The following STEAP4 variants were observed in gnomAD, a reference collection of about 807,000 sequenced individuals.
STEAP4 encodes the protein metalloreductase STEAP4.
STEAP4 carries 36 observed loss-of-function variants against 43.6 expected under a neutral mutation model. The ratio of observed to expected loss-of-function variants is 0.83; its 90% CI spans 0.63 to 1.09. STEAP4 has a LOEUF of 1.09. Among genes scored for constraint, STEAP4 ranks in the 50% least tolerant of loss-of-function variants. The pLI is 0.00. For missense variants in STEAP4, 495 were observed against 546.5 expected, an observed-to-expected ratio of 0.91 and a Z score of 0.94; for synonymous variants, 191 against 196.7, an observed-to-expected ratio of 0.97 and a Z score of 0.24.
intron 2 of STEAP4, 113 bp from the exon 3 acceptor site, chr7:88,283,281 A>G: frequency 9.0e-7 from 1 of 1,105,206 alleles, no homozygotes; most frequent in Non-Finnish European, 1.2e-6. Flanking sequence ...CAGTGAACCG[A>G]TTTTAAAATA....
chr7:88,280,568 G>C (rs571560015), intron 4 of STEAP4, among the ~76,000 whole-genome samples: 15 of 152,310 alleles, frequency 9.8e-5, no homozygotes, highest in African/African-American at 3.6e-4. Flanking sequence ...AAATCTTGCT[G>C]TGAAGATTTT....
chr7:88,293,753 G>C (rs1852879180), intron 1 of STEAP4, among the ~76,000 whole-genome samples: 1 of 152,136 alleles, frequency 6.6e-6, no homozygotes, highest in Non-Finnish European at 1.5e-5. Flanking sequence ...ACATAGAGGT[G>C]TGGGTCTATT....
At chr7:88,300,185 C>G (rs1278396038) in intron 1 of STEAP4, among the ~76,000 whole-genome samples, 1 of 152,106 alleles carries the variant, frequency 6.6e-6, no homozygotes, top group Non-Finnish European at 1.5e-5. Flanking sequence ...ATAAACAGCT[C>G]TTTCTTTTTA....
At position 88,273,283 on chromosome 7, in the gene STEAP4, G is replaced by A. The variant is rs1299453708; in HGVS notation, c.*6115C>T. On this transcript the variant is annotated 3_prime_UTR_variant, in exon 5 of 5. Coordinates refer to ENST00000380079, the MANE Select transcript of STEAP4 (RefSeq NM_024636.4). The stretch of plus-strand genomic sequence containing the variant: ...ATCTCTATCTTAGCATGAAAGAAAG[G>A]ATTAGTAAAAATGAAATGAATACAC... The A allele has an allele frequency of 6.6e-6, 1 of 152,132 alleles. No homozygotes were observed. The highest frequency in any genetic ancestry group is 1.5e-5 in the Non-Finnish European group (1 of 68,018). The allele number at this position is 152,132 out of a possible 1,614,324, so 9.4% of individuals were successfully genotyped here.
chr7:88,303,607 T>G (rs2116037591), intron 1 of STEAP4, among the ~76,000 whole-genome samples: 1 of 152,256 alleles, frequency 6.6e-6, no homozygotes, highest in East Asian at 1.9e-4. Flanking sequence ...TACAGAACAT[T>G]GTGGAGAAGA....
chr7:88,292,667 G>A (rs1852854251), intron 1 of STEAP4: 2 of 152,048 alleles, frequency 1.3e-5, no homozygotes, highest in Non-Finnish European at 2.9e-5. Context: ...ACTTCAATCA[G>A]GTTAGAGACT....
In STEAP4 at chr7:88,272,048, C is replaced by G. The variant is rs945356959; in HGVS notation, c.*7350G>C. On this transcript the variant is annotated 3_prime_UTR_variant, in exon 5 of 5. Transcript: ENST00000380079. ...TTGGCACTGCCAACTACGAGTTCCTCTTGGCGGCCACCTCTACAAGCTGAA... is the reference window on the plus strand; with the variant it reads ...TTGGCACTGCCAACTACGAGTTCCTGTTGGCGGCCACCTCTACAAGCTGAA... The G allele has an allele frequency of 1.3e-5, 2 of 152,218 alleles. No homozygotes were observed. The highest frequency in any genetic ancestry group is 4.8e-5 in the African/African-American group (2 of 41,446). 9.4% of individuals were successfully genotyped at this position (152,218 alleles called of 1,614,324 possible). A position where few individuals can be genotyped will look rare whatever the true frequency, so the allele number is the denominator to read the frequency against.
At position 88,274,073 on chromosome 7, in the gene STEAP4, C is replaced by T. The variant is rs536072354; in HGVS notation, c.*5325G>A. ...ACAGCATGGGTGTCCCCTATTATATCGTTGTGTTAAAAGGAGATGGGCCTG... is the reference window on the plus strand; with the variant it reads ...ACAGCATGGGTGTCCCCTATTATATTGTTGTGTTAAAAGGAGATGGGCCTG... On this transcript the variant is annotated 3_prime_UTR_variant, in exon 5 of 5. Coordinates refer to ENST00000380079, the MANE Select transcript of STEAP4 (RefSeq NM_024636.4). 10 of 152,102 alleles carry T rather than the reference C, an allele frequency of 6.6e-5. No individual in the cohort carries two copies. The highest frequency in any genetic ancestry group is 6.2e-4 in the South Asian group (3 of 4,828). 9.4% of individuals were successfully genotyped at this position (152,102 alleles called of 1,614,324 possible).
In STEAP4 at chr7:88,283,018, G is replaced by A; in HGVS notation, c.607C>T (p.Pro203Ser). ...PLQLFPMWRF[P>S]FYLSAVLCVF... Reference sequence around the variant, plus strand: ...CACAGCACAGCAGACAAATAGAAGGGGAACCTCCACATTGGAAATAGCTGC... The same window carrying A: ...CACAGCACAGCAGACAAATAGAAGGAGAACCTCCACATTGGAAATAGCTGC... Residue 203 changes from proline (P) to serine (S), a missense_variant, in exon 3 of 5, where the codon CCC becomes TCC. By Grantham distance (74) the Pro-to-Ser change is moderately conservative. Coordinates refer to ENST00000380079, the MANE Select transcript of STEAP4 (RefSeq NM_024636.4). 1 of 1,613,700 alleles carries A rather than the reference G, an allele frequency of 6.2e-7. No homozygotes were observed. Among genetic ancestry groups the A allele is most frequent in the Non-Finnish European group, 8.5e-7 (1 of 1,179,844 alleles).
At chr7:88,297,507 G>A (rs979353699) in intron 1 of STEAP4, among the ~76,000 whole-genome samples, 5 of 152,044 alleles carry the variant, frequency 3.3e-5, no homozygotes, top group South Asian at 2.1e-4. Flanking sequence ...ACATAATGCC[G>A]ATTAAACTCA....
At chr7:88,291,442 G>A (rs180710943) in intron 1 of STEAP4, among the ~76,000 whole-genome samples, 2 of 149,914 alleles carry the variant, frequency 1.3e-5, no homozygotes, top group East Asian at 2.0e-4. Flanking sequence ...AGCCGAGATC[G>A]CACTGCTGCA....
chr7:88,300,934 C>T (rs1328794936), intron 1 of STEAP4, among the ~76,000 whole-genome samples: 1 of 152,174 alleles, frequency 6.6e-6, no homozygotes, highest in African/African-American at 2.4e-5. Flanking sequence ...GTTCCAGACC[C>T]TCTCTACCTC....
chr7:88,296,090 C>T lies in STEAP4; in HGVS notation c.-3+10702G>A, dbSNP rs573333243. ...TTGTTCCATAACTCTCTCAAGGAAA[C>T]CTTAAAGAGTTGTCTTCCAAGAGCC... is the stretch of plus-strand genomic sequence containing the variant. On this transcript the variant is annotated intron_variant, in intron 1 of 4. Transcript: ENST00000380079. 2.1e-3 allele frequency among the ~76,000 whole-genome samples: 325 copies of T among 152,210 alleles called. 2 individuals carry two copies. The highest frequency in any genetic ancestry group is 2.8e-3 in the Non-Finnish European group (188 of 67,988).
rs1471995580 is a variant in STEAP4, at chr7:88,284,066, T to C, written c.204A>G (p.Ser68=). 6.2e-7 allele frequency: 1 copy of C among 1,614,184 alleles called. No individual in the cohort carries two copies. Among genetic ancestry groups the C allele is most frequent in the Admixed American group, 1.7e-5 (1 of 60,002 alleles). Residue 68 remains serine (S), a synonymous_variant, in exon 2 of 5, where the codon TCA becomes TCG. Coordinates refer to ENST00000380079, the MANE Select transcript of STEAP4 (RefSeq NM_024636.4). ...LPSGAEVLSY[S]EAAKKSGIII... ...TGATGCCAGACTTCTTGGCTGCTTC[T>C]GAATAGCTCAAGACTTCTGCACCAC...
Position 88,283,941 on chromosome 7 carries a change from A to G in STEAP4, c.329T>C (p.Ile110Thr). Residue 110 changes from isoleucine to threonine, a missense_variant, in exon 2 of 5, where the codon ATC (isoleucine) becomes ACC (threonine). Coordinates refer to ENST00000380079, the MANE Select transcript of STEAP4 (RefSeq NM_024636.4). ...TGCATTAGATTCTGGATATTGATTG[A>G]TTTTGAGGTTGTTGCTGATGTCTAC... is the stretch of plus-strand genomic sequence containing the variant. ...ILVDISNNLK[I>T]NQYPESNAEY... is the part of the protein sequence containing the mutation. 1.2e-6 allele frequency: 2 copies of G among 1,614,138 alleles called. 1 individual carries two copies. The highest frequency in any genetic ancestry group is 2.2e-5 in the South Asian group (2 of 91,082).
chr7:88,279,313 T>G lies in STEAP4; in HGVS notation c.*85A>C, dbSNP rs1248232287. 1.0e-4 allele frequency: 135 copies of G among 1,329,154 alleles called. No homozygotes were observed. Among genetic ancestry groups the G allele is most frequent in the Non-Finnish European group, 1.4e-4 (131 of 947,902 alleles). The allele number at this position is 1,329,154 out of a possible 1,614,324, so 82.3% of individuals were successfully genotyped here. ...ACTTTCCTAACTGTACCCATCATTC[T>G]TCTTTAAACATTCAAAACCATAGTT... is the stretch of plus-strand genomic sequence containing the variant. On this transcript the variant is annotated 3_prime_UTR_variant, in exon 5 of 5. Transcript: ENST00000380079.
chr7:88,282,680 A>G lies in STEAP4; in HGVS notation c.945T>C (p.Tyr315=), dbSNP rs1416762060. ...AGTTTCCCAATCTCCATCGTACATAATATCGAATAGGAATCACAAGTGTGT... is the reference window on the plus strand; with the variant it reads ...AGTTTCCCAATCTCCATCGTACATAGTATCGAATAGGAATCACAAGTGTGT... ...VLYTLVIPIR[Y]YVRWRLGNLT... is the part of the protein sequence containing the mutation. The change falls in exon 3 of 5, where the codon TAT becomes TAC. Residue 315 remains tyrosine, a synonymous_variant. Transcript: ENST00000380079. The G allele has an allele frequency of 6.2e-7, 1 of 1,614,116 alleles. No individual in the cohort carries two copies. Among genetic ancestry groups the G allele is most frequent in the African/African-American group, 1.3e-5 (1 of 75,040 alleles).
rs1852489365 is a variant in STEAP4, at chr7:88,274,884, T to C, written c.*4514A>G. The C allele has an allele frequency of 6.6e-6, 1 of 152,202 alleles. No homozygotes were observed. 9.4% of individuals were successfully genotyped at this position (152,202 alleles called of 1,614,324 possible). On this transcript the variant is annotated 3_prime_UTR_variant, in exon 5 of 5. Coordinates refer to ENST00000380079, the MANE Select transcript of STEAP4 (RefSeq NM_024636.4). ...TGTATTTTAGGCTGCTAATATATTA[T>C]AATTAGCATATAATGAACAGCTGAG...
intron 1 of STEAP4, among the ~76,000 whole-genome samples, chr7:88,305,560 T>G (rs1006885433): frequency 1.3e-5 from 2 of 152,232 alleles, no homozygotes; most frequent in Non-Finnish European, 2.9e-5. Flanking sequence ...GGCTGAAGAA[T>G]GGTTTTGAAA....
Sources: allele counts gnomAD v4.1 joint callset (sites outside exome capture counted in the v4.1 genomes callset), GRCh38; gene constraint gnomAD v4.1.1; transcripts MANE v1.5; gene names NCBI Gene and HGNC (gene_info 2026-07-23, HGNC 2026-07-21).